The following TRIO variants were observed in gnomAD, a reference collection of about 807,000 sequenced individuals.
TRIO encodes trio Rho guanine nucleotide exchange factor, also known as triple functional domain protein.
A neutral mutation model predicts 351.9 loss-of-function variants in TRIO; 58 were observed. The ratio of observed to expected loss-of-function variants is 0.16; its 90% CI spans 0.13 to 0.21. The LOEUF is 0.21. Ranked by LOEUF, TRIO falls within the 10% of genes least tolerant of loss-of-function variation. The pLI is 1.00. For missense variants in TRIO, 3,201 were observed against 4,027.8 expected (o/e 0.79, Z 5.56); for synonymous variants, 1,758 against 1,595.7 (o/e 1.10, Z -2.42).
At chr5:14,226,329 C>A (rs1793027273) in intron 1 of TRIO, among the ~76,000 whole-genome samples, 1 of 152,176 alleles carries the variant, frequency 6.6e-6, no homozygotes, top group Non-Finnish European at 1.5e-5. Context: ...AACCCCACAG[C>A]CTTGCAAGCC....
Position 14,476,942 on chromosome 5 carries a change from A to G in TRIO, c.6132A>G (p.Leu2044=), listed in dbSNP as rs771450949. Residue 2044 remains leucine (L), a synonymous_variant, in exon 41 of 57, where the codon CTA becomes CTG. Transcript: ENST00000344204. ...AGTGCCTTGAAGATCCAGAAAAACT[A>G]GGATCCCTTTTTGTTAAACACGTAA... ...LEKCLEDPEK[L]GSLFVKHERR... 2.7e-5 allele frequency: 44 copies of G among 1,613,764 alleles called. No homozygotes were observed. In the South Asian group the frequency reaches 4.5e-4, roughly 17 times the overall value.
At chr5:14,349,392 C>T (rs879780378) in intron 11 of TRIO, among the ~76,000 whole-genome samples, 4 of 152,226 alleles carry the variant, frequency 2.6e-5, no homozygotes, top group African/African-American at 9.6e-5. Flanking sequence ...GTGTTTTACC[C>T]TATTATTCCA....
At position 14,297,143 on chromosome 5, in the gene TRIO, G is replaced by T. The variant is rs370222007; in HGVS notation, c.1248G>T (p.Ser416=). 6.2e-7 allele frequency: 1 copy of T among 1,614,152 alleles called. No homozygotes were observed. Among genetic ancestry groups the T allele is most frequent in the Non-Finnish European group, 8.5e-7 (1 of 1,180,016 alleles). The change falls in exon 7 of 57, where the codon TCG becomes TCT. Residue 416 remains serine (S), a synonymous_variant. Coordinates refer to ENST00000344204, the MANE Select transcript of TRIO (RefSeq NM_007118.4). ...TGGTGGAGTCTGGCCACTATGCCTCGCAGCAGATCAGGCAGATCGCGAGTC... is the reference window on the plus strand; with the variant it reads ...TGGTGGAGTCTGGCCACTATGCCTCTCAGCAGATCAGGCAGATCGCGAGTC... ...NRLVESGHYA[S]QQIRQIASQL...
intron 1 of TRIO, among the ~76,000 whole-genome samples, chr5:14,190,071 C>T (rs1048020538): frequency 2.0e-5 from 3 of 151,636 alleles, no homozygotes; most frequent in African/African-American, 7.3e-5. Flanking sequence ...TTTTTTTAGT[C>T]AACAGAGCTG....
chr5:14,213,457 G>A (rs1253142010), intron 1 of TRIO, among the ~76,000 whole-genome samples: 2 of 151,958 alleles, frequency 1.3e-5, no homozygotes, highest in Non-Finnish European at 2.9e-5. Context: ...TGACTCACCA[G>A]TTAGATACTA....
chr5:14,388,747 C>G, intron 24 of TRIO, 68 bp downstream of exon 24: 1 of 1,395,114 alleles, frequency 7.2e-7, no homozygotes, highest in Non-Finnish European at 9.4e-7. Flanking sequence ...CTATTTTATT[C>G]TTACCTGTTG....
chr5:14,159,719 C>T (rs1368715646), intron 1 of TRIO, among the ~76,000 whole-genome samples: 1 of 152,146 alleles, frequency 6.6e-6, no homozygotes, highest in Non-Finnish European at 1.5e-5. Context: ...TGCGCCACCA[C>T]ACCCAGCTCA....
At position 14,387,139 on chromosome 5, in the gene TRIO, A is replaced by G. The variant is rs12659094; in HGVS notation, c.3571-299A>G. On this transcript the variant is annotated intron_variant, in intron 21 of 56. Coordinates refer to ENST00000344204, the MANE Select transcript of TRIO (RefSeq NM_007118.4). The stretch of plus-strand genomic sequence containing the variant: ...CCGCGTTCTTCGCATACATTCCTCC[A>G]TGCATCCATTCTACACATTTTTACT... 1.4e-3 allele frequency among the ~76,000 whole-genome samples: 206 copies of G among 152,378 alleles called. 1 individual carries two copies. The East Asian group carries it at 0.037, about 27-fold the overall frequency.
chr5:14,276,124 A>G (rs571237908), intron 2 of TRIO, among the ~76,000 whole-genome samples: 1 of 151,910 alleles, frequency 6.6e-6, no homozygotes, highest in Non-Finnish European at 1.5e-5. Context: ...GGATATTGAC[A>G]GGAATGTGGG....
chr5:14,333,828 C>T (rs1462579059), intron 10 of TRIO, among the ~76,000 whole-genome samples: 1 of 152,114 alleles, frequency 6.6e-6, no homozygotes, highest in Non-Finnish European at 1.5e-5. Context: ...CCTGGCCTTA[C>T]CTTATTCCTT....
intron 53 of TRIO, among the ~76,000 whole-genome samples, chr5:14,500,169 A>G (rs1166113628): frequency 6.6e-6 from 1 of 152,214 alleles, no homozygotes; most frequent in African/African-American, 2.4e-5. Context: ...CTTCAGAAGA[A>G]TTATCTTATG....
chr5:14,400,911 A>C, intron 30 of TRIO, 52 bp from the exon 31 acceptor site: 1 of 1,563,738 alleles, frequency 6.4e-7, no homozygotes, highest in South Asian at 1.1e-5. Flanking sequence ...TCTGTTCTGC[A>C]TCCTTCTAGA....
At chr5:14,364,421 CTTTCCTAG>C (rs1248637528) in intron 14 of TRIO, among the ~76,000 whole-genome samples, 3 of 152,244 alleles carry the variant, frequency 2.0e-5, no homozygotes, top group Non-Finnish European at 4.4e-5. Flanking sequence ...GAATGCCACA[CTTTCCTAG>C]TTATCAGTGT....
At chr5:14,392,533 A>G (rs1747179775) in intron 27 of TRIO, among the ~76,000 whole-genome samples, 2 of 152,236 alleles carry the variant, frequency 1.3e-5, no homozygotes, top group African/African-American at 2.4e-5. Context: ...TTCCTCAAGG[A>G]TCTAGAACCA....
At chr5:14,437,624 G>T (rs1485642749) in intron 34 of TRIO, among the ~76,000 whole-genome samples, 1 of 151,014 alleles carries the variant, frequency 6.6e-6, no homozygotes, top group East Asian at 1.9e-4. Flanking sequence ...ACTTTCTTCT[G>T]TGCATGTCTG....
In TRIO at chr5:14,497,098, G is replaced by C; in HGVS notation, c.8019+81G>C. 6.4e-7 allele frequency: 1 copy of C among 1,554,452 alleles called. No homozygotes were observed. ...GGGAGGGCAGAGACTCTGCAGACCT[G>C]AAGCTGGGCTTGCTTATGACCTCCC... On this transcript the variant is annotated intron_variant, in intron 50 of 56. Coordinates refer to ENST00000344204, the MANE Select transcript of TRIO (RefSeq NM_007118.4). The surrounding 1 kb of genome is among the most constrained non-coding windows in gnomAD (Gnocchi z 4.4).
intron 1 of TRIO, among the ~76,000 whole-genome samples, chr5:14,150,475 TA>T (rs1389175656): frequency 6.6e-6 from 1 of 151,978 alleles, no homozygotes; most frequent in South Asian, 2.1e-4. Flanking sequence ...AATGTGACAT[TA>T]AAAAAAGGCC....
intron 34 of TRIO, among the ~76,000 whole-genome samples, chr5:14,421,227 A>ATTTATTTTTTTATTTTATTTTATTTTAT (rs1750110080): frequency 8.5e-6 from 1 of 118,084 alleles, no homozygotes; most frequent in South Asian, 2.8e-4. Context: ...TTATTTATTT[A>ATTTATTTTTTTATTTTATTTTATTTTAT]TTTATTTTAT....
intron 1 of TRIO, among the ~76,000 whole-genome samples, chr5:14,198,489 A>G (rs973210013): frequency 2.0e-5 from 3 of 152,194 alleles, no homozygotes; most frequent in African/African-American, 7.2e-5. Flanking sequence ...TTCTCATTTA[A>G]CATAATTACA....
Sources: allele counts gnomAD v4.1 joint callset (sites outside exome capture counted in the v4.1 genomes callset), GRCh38; gene constraint gnomAD v4.1.1; non-coding constraint Gnocchi (gnomAD v3.1); transcripts MANE v1.5; gene names NCBI Gene and HGNC (gene_info 2026-07-23, HGNC 2026-07-21).